The following GPR158 variants were observed in gnomAD, a reference collection of about 807,000 sequenced individuals.
GPR158 encodes the protein metabotropic glycine receptor.
In GPR158, 30 loss-of-function variants were observed where a neutral mutation model predicts 78.2. The ratio of observed to expected loss-of-function variants is 0.38; its 90% CI spans 0.29 to 0.52. GPR158 has a LOEUF of 0.52. Among genes scored for constraint, GPR158 ranks in the 20% least tolerant of loss-of-function variants. The pLI is 0.83. For synonymous variants in GPR158, 581 were observed against 591.1 expected (o/e 0.98, Z 0.25); for missense variants, 1,463 against 1,523.5 (o/e 0.96, Z 0.66).
At chr10:25,219,417 T>G (rs1853267143) in intron 1 of GPR158, among the ~76,000 whole-genome samples, 1 of 152,214 alleles carries the variant, frequency 6.6e-6, no homozygotes, top group Non-Finnish European at 1.5e-5. Flanking sequence ...CATTTATTTA[T>G]CACATAAACA....
At chr10:25,363,591 T>G (rs1369256394) in intron 2 of GPR158, among the ~76,000 whole-genome samples, 1 of 151,960 alleles carries the variant, frequency 6.6e-6, no homozygotes, top group East Asian at 1.9e-4. Context: ...AAAGATTTTA[T>G]AATCATAGAG....
chr10:25,235,103 G>A (rs1375418673), intron 2 of GPR158, among the ~76,000 whole-genome samples: 1 of 152,188 alleles, frequency 6.6e-6, no homozygotes, highest in Non-Finnish European at 1.5e-5. Context: ...ATGTGTTGAA[G>A]CTGAGCTTGA....
At chr10:25,546,181 G>C (rs1836659870) in intron 5 of GPR158, among the ~76,000 whole-genome samples, 4 of 152,114 alleles carry the variant, frequency 2.6e-5, no homozygotes, top group Admixed American at 2.6e-4. Flanking sequence ...ACACAGTGGA[G>C]ATTAATTTTA....
intron 2 of GPR158, among the ~76,000 whole-genome samples, chr10:25,258,884 A>G (rs977611657): frequency 2.0e-5 from 3 of 152,236 alleles, no homozygotes; most frequent in African/African-American, 7.2e-5. Context: ...GTCAATTAAC[A>G]TAGTTTGTAT....
In GPR158 at chr10:25,181,339, G is replaced by A. The variant is rs570242415; in HGVS notation, c.902+5017G>A. On this transcript the variant is annotated intron_variant, in intron 1 of 10. Transcript: ENST00000376351. ...CTAAATGAAGAACTGTCATCACATAGGAAGTTTAGTAAATATTTTTGTATT... is the reference window on the plus strand; with the variant it reads ...CTAAATGAAGAACTGTCATCACATAAGAAGTTTAGTAAATATTTTTGTATT... 6.6e-5 allele frequency among the ~76,000 whole-genome samples: 10 copies of A among 152,306 alleles called. No individual in the cohort carries two copies. The South Asian group carries it at 2.1e-3, about 32-fold the overall frequency.
rs755526623 is a variant in GPR158 at position 25,476,457 on chromosome 10, A to T, written c.1404+9738A>T. 2.7e-5 allele frequency among the ~76,000 whole-genome samples: 4 copies of T among 149,462 alleles called. 1 individual carries two copies. The South Asian group carries it at 6.3e-4, about 24-fold the overall frequency. The stretch of plus-strand genomic sequence containing the variant: ...TGGTAGATATGTCTTCCTGTAAAGG[A>T]CTCCAATGCATATGTAAGTAATACT... On this transcript the variant is annotated intron_variant, in intron 5 of 10. Coordinates refer to ENST00000376351, the MANE Select transcript of GPR158 (RefSeq NM_020752.3).
intron 2 of GPR158, among the ~76,000 whole-genome samples, chr10:25,295,807 C>G (rs113513307): frequency 0.013 from 1,924 of 152,228 alleles, 7 homozygotes; most frequent in Non-Finnish European, 0.015. Flanking sequence ...CAAATTATCT[C>G]CAGACGGAGA....
At chr10:25,318,420 C>T (rs56257605) in intron 2 of GPR158, among the ~76,000 whole-genome samples, 28,265 of 151,872 alleles carry the variant, frequency 0.19, 4,157 homozygotes, top group African/African-American at 0.42. Flanking sequence ...CTAGTACTTT[C>T]ACACCTAGGA....
intron 1 of GPR158, among the ~76,000 whole-genome samples, chr10:25,177,552 T>A (rs1852555850): frequency 6.6e-6 from 1 of 152,132 alleles, no homozygotes; most frequent in South Asian, 2.1e-4. Flanking sequence ...AAGTACTGGG[T>A]GGGCAAGTGG....
At chr10:25,324,887 G>A (rs1855008109) in intron 2 of GPR158, among the ~76,000 whole-genome samples, 1 of 139,198 alleles carries the variant, frequency 7.2e-6, no homozygotes, top group Admixed American at 7.8e-5. Context: ...TGCACAGGCT[G>A]GAGTGTAGTG....
intron 3 of GPR158, among the ~76,000 whole-genome samples, chr10:25,411,179 A>G (rs1381923408): frequency 1.3e-5 from 2 of 151,200 alleles, no homozygotes; most frequent in African/African-American, 4.9e-5. Context: ...GATAATCTTT[A>G]CCTGTAGGGC....
intron 1 of GPR158, among the ~76,000 whole-genome samples, chr10:25,197,549 C>A (rs1458981095): frequency 6.6e-6 from 1 of 152,088 alleles, no homozygotes; most frequent in African/African-American, 2.4e-5. Context: ...GAAGATATAT[C>A]TTTGCTTGAA....
At chr10:25,517,534 G>A (rs1836196405) in intron 5 of GPR158, among the ~76,000 whole-genome samples, 1 of 151,984 alleles carries the variant, frequency 6.6e-6, no homozygotes, top group African/African-American at 2.4e-5. Context: ...TTATTATTTT[G>A]AAATACGTCC....
At chr10:25,590,519 G>A (rs1436747436) in intron 8 of GPR158, among the ~76,000 whole-genome samples, 3 of 152,172 alleles carry the variant, frequency 2.0e-5, no homozygotes, top group Non-Finnish European at 4.4e-5. Flanking sequence ...TGTTGCCAGA[G>A]CTCAAACAGC....
intron 1 of GPR158, among the ~76,000 whole-genome samples, chr10:25,180,994 C>G (rs1426406544): frequency 6.6e-6 from 1 of 152,194 alleles, no homozygotes; most frequent in Non-Finnish European, 1.5e-5. Context: ...GCTCACTTCA[C>G]TTTCTCTCCC....
intron 7 of GPR158, among the ~76,000 whole-genome samples, chr10:25,581,017 C>T (rs1041444413): frequency 2.0e-5 from 3 of 148,290 alleles, no homozygotes; most frequent in Non-Finnish European, 3.0e-5. Context: ...CTCCGCTTCC[C>T]GGGTTCACGC....
At chr10:25,338,545 G>A (rs1285674638) in intron 2 of GPR158, among the ~76,000 whole-genome samples, 3 of 54,922 alleles carry the variant, frequency 5.5e-5, no homozygotes, top group East Asian at 3.0e-4. Context: ...TTATATATAC[G>A]TAATATATAA....
At chr10:25,458,106 G>A (rs903572347) in intron 4 of GPR158, among the ~76,000 whole-genome samples, 1 of 152,056 alleles carries the variant, frequency 6.6e-6, no homozygotes, top group East Asian at 1.9e-4. Flanking sequence ...ATAAATCAAT[G>A]TGAACTTTAT....
At chr10:25,241,129 CTTTCTTTCTTTCTTTCTT>C (rs1160940901) in intron 2 of GPR158, among the ~76,000 whole-genome samples, 5 of 39,138 alleles carry the variant, frequency 1.3e-4, no homozygotes, top group African/African-American at 3.6e-4. Context: ...CTTTGATTTT[CTTTCTTTCTTTCTTTCTT>C]TCTTTCTTTC....
Sources: gnomAD v4.1 joint callset for allele counts (sites outside exome capture counted in the v4.1 genomes callset) on GRCh38, gnomAD v4.1.1 for gene constraint, MANE v1.5 for transcripts, NCBI Gene and HGNC (gene_info 2026-07-23, HGNC 2026-07-21) for gene names.